Variants in TCF4 observed in about 807,000 individuals in gnomAD.
The protein encoded by TCF4 is transcription factor 4, also known as SL3-3 enhancer factor 2.
A neutral mutation model predicts 82.1 loss-of-function variants in TCF4; 3 were observed. The ratio of observed to expected loss-of-function variants is 0.04; its 90% CI spans 0.02 to 0.09. The LOEUF (loss-of-function observed/expected upper bound fraction) is 0.09. Among genes scored for constraint, TCF4 ranks in the 10% least tolerant of loss-of-function variants. TCF4 has a pLI of 1.00. For synonymous variants in TCF4, 276 were observed against 309.6 expected, an observed-to-expected ratio of 0.89 and a Z score of 1.14; for missense variants, 518 against 852.7, an observed-to-expected ratio of 0.61 and a Z score of 4.89.
At chr18:55,561,092 A>C (rs1175002176) in intron 3 of TCF4, among the ~76,000 whole-genome samples, 1 of 152,220 alleles carries the variant, frequency 6.6e-6, no homozygotes, top group African/African-American at 2.4e-5. Context: ...TGTAAAGTTC[A>C]CAATTGCACA....
At chr18:55,356,086 A>C (rs1395781049) in intron 6 of TCF4, among the ~76,000 whole-genome samples, 2 of 152,160 alleles carry the variant, frequency 1.3e-5, no homozygotes, top group African/African-American at 4.8e-5. Flanking sequence ...GAATAGATGA[A>C]ACAACATATG....
Position 55,279,592 on chromosome 18 carries a change from T to C in TCF4, c.614A>G (p.Lys205Arg). The C allele has an allele frequency of 1.2e-6, 2 of 1,613,934 alleles. No homozygotes were observed. The highest frequency in any genetic ancestry group is 1.7e-6 in the Non-Finnish European group (2 of 1,179,892). Residue 205 changes from lysine to arginine, a missense_variant, in exon 9 of 20, where the codon AAA (lysine) becomes AGA (arginine). By Grantham distance (26) the Lys-to-Arg change is conservative. Coordinates refer to ENST00000354452, the MANE Select transcript of TCF4 (RefSeq NM_001083962.2). Reference sequence around the variant, plus strand: ...GCTAGGGAAAGTGCTGGTTGCTGGTTTGGAGGAAGGATAGCCTGGCGAGTC... The same window carrying C: ...GCTAGGGAAAGTGCTGGTTGCTGGTCTGGAGGAAGGATAGCCTGGCGAGTC... ...NRDSPGYPSS[K>R]PATSTFPSSF...
At chr18:55,407,934 T>C (rs955493680) in intron 5 of TCF4, among the ~76,000 whole-genome samples, 3 of 152,160 alleles carry the variant, frequency 2.0e-5, no homozygotes, top group African/African-American at 7.2e-5. Flanking sequence ...ATTCCACTCA[T>C]AGGGATACTT....
In TCF4 at chr18:55,239,417, A is replaced by G. The variant is rs149731175; in HGVS notation, c.1351-4734T>C. Among the ~76,000 whole-genome samples the G allele has an allele frequency of 5.3e-4, 80 of 152,306 alleles. No individual in the cohort carries two copies. The East Asian group carries it at 9.9e-3, about 19-fold the overall frequency. ...AACAGATTTTGAACTCAGAAAACTT[A>G]CAACACTGAACAATTATATAGGAGA... is the stretch of plus-strand genomic sequence containing the variant. On this transcript the variant is annotated intron_variant, in intron 15 of 19. Coordinates refer to ENST00000354452, the MANE Select transcript of TCF4 (RefSeq NM_001083962.2).
At chr18:55,604,034 C>T (rs1722861159) in intron 2 of TCF4, among the ~76,000 whole-genome samples, 1 of 152,114 alleles carries the variant, frequency 6.6e-6, no homozygotes, top group African/African-American at 2.4e-5. Flanking sequence ...TTGCGCCATT[C>T]TTCCCATAAC....
chr18:55,370,290 C>T (rs2088615528), intron 6 of TCF4, among the ~76,000 whole-genome samples: 1 of 152,040 alleles, frequency 6.6e-6, no homozygotes, highest in Non-Finnish European at 1.5e-5. Context: ...CCTGTGGTCC[C>T]AGCTACTTAG....
At chr18:55,469,406 G>T (rs149095785) in intron 3 of TCF4, among the ~76,000 whole-genome samples, 2 of 151,914 alleles carry the variant, frequency 1.3e-5, no homozygotes, top group African/African-American at 4.8e-5. Context: ...GGAGGTTGCC[G>T]CGAGCCAAGA....
intron 8 of TCF4, among the ~76,000 whole-genome samples, chr18:55,300,544 CT>C (rs2067923929): frequency 1.3e-5 from 2 of 152,180 alleles, no homozygotes; most frequent in African/African-American, 4.8e-5. Flanking sequence ...CACCTCACCC[CT>C]GCGTTCATTC....
chr18:55,228,714 C>T, intron 18 of TCF4, 133 bp downstream of exon 18: 1 of 945,430 alleles, frequency 1.1e-6, no homozygotes, highest in Non-Finnish European at 1.6e-6. Context: ...ACACAGTCTG[C>T]AATGGAAACA....
intron 3 of TCF4, among the ~76,000 whole-genome samples, chr18:55,572,056 T>C (rs56839141): frequency 0.076 from 11,587 of 152,192 alleles, 1,021 homozygotes; most frequent in African/African-American, 0.22. Context: ...CTCCACACTA[T>C]GCTACCAATT....
intron 3 of TCF4, among the ~76,000 whole-genome samples, chr18:55,485,158 C>G (rs2145675022): frequency 6.6e-6 from 1 of 152,266 alleles, no homozygotes; most frequent in Admixed American, 6.5e-5. Context: ...AGAACCAAAG[C>G]AGGAATTTCC....
chr18:55,295,392 C>T (rs1436347722), intron 8 of TCF4, among the ~76,000 whole-genome samples: 1 of 152,114 alleles, frequency 6.6e-6, no homozygotes, highest in African/African-American at 2.4e-5. Context: ...GCCTGTTCTC[C>T]ACTTCTTTAC....
chr18:55,244,872 A>G (rs1238641175), intron 15 of TCF4, among the ~76,000 whole-genome samples: 1 of 152,206 alleles, frequency 6.6e-6, no homozygotes, highest in Non-Finnish European at 1.5e-5. Flanking sequence ...AGCCAGGGAG[A>G]AGGCAAATGT....
In TCF4 at chr18:55,223,667, G is replaced by A. The variant is rs1286690389; in HGVS notation, c.*4368C>T. On this transcript the variant is annotated 3_prime_UTR_variant, in exon 20 of 20. Transcript: ENST00000354452. The stretch of plus-strand genomic sequence containing the variant: ...CACTCAGCCACACATTGAAAACAAG[G>A]TGTAACTGTTTATCTTTTTTTTTTT... 1 of 150,158 alleles carries A rather than the reference G, an allele frequency of 6.7e-6. No homozygotes were observed. Among genetic ancestry groups the A allele is most frequent in the Non-Finnish European group, 1.5e-5 (1 of 67,632 alleles). The allele number at this position is 150,158 out of a possible 1,614,324, so 9.3% of individuals were successfully genotyped here. A position where few individuals can be genotyped will look rare whatever the true frequency, so the allele number is the denominator to read the frequency against.
chr18:55,329,394 A>G (rs1458409826), intron 8 of TCF4, among the ~76,000 whole-genome samples: 4 of 152,222 alleles, frequency 2.6e-5, no homozygotes, highest in African/African-American at 9.6e-5. Flanking sequence ...AGGTGAGACA[A>G]GTTTTGCATC....
At chr18:55,238,670 C>T (rs1407989618) in intron 15 of TCF4, among the ~76,000 whole-genome samples, 1 of 151,962 alleles carries the variant, frequency 6.6e-6, no homozygotes, top group African/African-American at 2.4e-5. Context: ...AATGCCACTC[C>T]TCGCCTCTGC....
chr18:55,398,035 C>T (rs771574710), intron 6 of TCF4, among the ~76,000 whole-genome samples: 18 of 152,088 alleles, frequency 1.2e-4, no homozygotes, highest in East Asian at 1.9e-4. Context: ...CGATTTTCCC[C>T]GTTAACATCC....
At chr18:55,608,743 G>T (rs1320060842) in intron 2 of TCF4, among the ~76,000 whole-genome samples, 1 of 152,088 alleles carries the variant, frequency 6.6e-6, no homozygotes, top group Non-Finnish European at 1.5e-5. Context: ...TTCATTGAGA[G>T]CCTATAATAC....
intron 3 of TCF4, among the ~76,000 whole-genome samples, chr18:55,564,400 A>C (rs1281122863): frequency 2.6e-5 from 4 of 152,234 alleles, no homozygotes; most frequent in African/African-American, 4.8e-5. Flanking sequence ...TGAAATATGG[A>C]TTCAACAGGG....
Sources: gnomAD v4.1 joint callset for allele counts (sites outside exome capture counted in the v4.1 genomes callset) on GRCh38, gnomAD v4.1.1 for gene constraint, MANE v1.5 for transcripts, NCBI Gene and HGNC (gene_info 2026-07-23, HGNC 2026-07-21) for gene names.